IDO2: variants seen among roughly 807,000 people sequenced by gnomAD.
The protein encoded by IDO2 is indoleamine 2,3-dioxygenase-like 1 protein.
IDO2 carries 46 observed loss-of-function variants against 45.1 expected under a neutral mutation model. The observed-to-expected ratio is 1.02, with a 90% confidence interval of 0.80 to 1.30. The LOEUF is 1.30. IDO2 is among the 50% of genes most tolerant of loss of function. The pLI is 0.00. For synonymous variants in IDO2, 218 were observed against 184.9 expected (o/e 1.18, Z -1.45); for missense variants, 544 against 491.8 (o/e 1.11, Z -1.00).
chr8:39,986,954 A>G (rs1004654785), intron 6 of IDO2: 3 of 151,658 alleles, frequency 2.0e-5, no homozygotes, highest in Admixed American at 2.0e-4. Context: ...GGCTCTCTGC[A>G]ACCTCTTGCC....
intron 2 of IDO2, among the ~76,000 whole-genome samples, chr8:39,958,337 G>A (rs1362786947): frequency 6.8e-6 from 1 of 146,686 alleles, no homozygotes; most frequent in Non-Finnish European, 1.5e-5. Context: ...AGGTTCAGGC[G>A]ATTCTCCCGC....
chr8:40,005,879 G>A (rs1031766065), intron 9 of IDO2, among the ~76,000 whole-genome samples: 6 of 152,152 alleles, frequency 3.9e-5, no homozygotes. Flanking sequence ...TTCTCTGGGA[G>A]GTGATTATGT....
intron 2 of IDO2, among the ~76,000 whole-genome samples, chr8:39,951,143 G>C (rs531923797): frequency 3.0e-4 from 45 of 152,138 alleles, no homozygotes; most frequent in Non-Finnish European, 5.1e-4. Context: ...ACAAGCCTCA[G>C]GGTAGGTATT....
chr8:39,980,272 A>G (rs971749354), intron 4 of IDO2, among the ~76,000 whole-genome samples: 3 of 152,224 alleles, frequency 2.0e-5, no homozygotes, highest in African/African-American at 7.2e-5. Flanking sequence ...TTATTTCCTT[A>G]ATCAAGGTCA....
intron 3 of IDO2, among the ~76,000 whole-genome samples, chr8:39,967,437 C>T (rs932183040): frequency 1.3e-5 from 2 of 152,116 alleles, no homozygotes; most frequent in African/African-American, 4.8e-5. Flanking sequence ...AGTTTATTTA[C>T]AGAGTAAATA....
At chr8:40,010,559 G>T (rs2955890) in intron 9 of IDO2, among the ~76,000 whole-genome samples, 136,609 of 152,204 alleles carry the variant, frequency 0.9, 61,451 homozygotes, top group East Asian at 0.99. Flanking sequence ...TTTAAGAAGC[G>T]ATCATTACAA....
intron 2 of IDO2, among the ~76,000 whole-genome samples, chr8:39,958,820 TTAATC>T (rs36213925): frequency 0.19 from 28,656 of 152,116 alleles, 2,666 homozygotes; most frequent in East Asian, 0.27. Context: ...AAATTTATAC[TTAATC>T]TAATCAAGCA....
chr8:39,987,454 G>A (rs1162627023), intron 6 of IDO2: 1 of 160,168 alleles, frequency 6.2e-6, no homozygotes, highest in Non-Finnish European at 1.4e-5. Context: ...CTGGCTATAT[G>A]ACCTTGGACA....
chr8:39,967,188 G>T (rs370723330), intron 3 of IDO2, among the ~76,000 whole-genome samples: 1 of 152,138 alleles, frequency 6.6e-6, no homozygotes, highest in East Asian at 1.9e-4. Context: ...ATAAAAAAGA[G>T]AAATACAGGT....
intron 1 of IDO2, among the ~76,000 whole-genome samples, chr8:39,940,246 G>A (rs775080655): frequency 3.9e-5 from 6 of 152,186 alleles, no homozygotes; most frequent in Non-Finnish European, 7.3e-5. Flanking sequence ...AGTTCTACCG[G>A]ACACGCAGAT....
chr8:39,953,954 T>G (rs1206450150), intron 2 of IDO2, among the ~76,000 whole-genome samples: 1 of 152,242 alleles, frequency 6.6e-6, no homozygotes, highest in African/African-American at 2.4e-5. Flanking sequence ...CACTAGCTAG[T>G]TTTGAGATCG....
In IDO2 at chr8:39,972,959, C is replaced by T. The variant is rs147375179; in HGVS notation, c.196-6108C>T. 1.8e-4 allele frequency among the ~76,000 whole-genome samples: 27 copies of T among 152,262 alleles called. No individual in the cohort carries two copies. In the East Asian group the frequency reaches 5.2e-3, roughly 29 times the overall value. On this transcript the variant is annotated intron_variant, in intron 3 of 10. Transcript: ENST00000502986. ...GCTATTGCACACTTTATAGTGTGAA[C>T]ATAACTTTTACATGCACTGGGAAGC...
intron 2 of IDO2, among the ~76,000 whole-genome samples, chr8:39,962,486 C>T (rs1246788434): frequency 1.3e-5 from 2 of 152,184 alleles, no homozygotes; most frequent in African/African-American, 4.8e-5. Flanking sequence ...TTTCATGTAA[C>T]TTTCTAGGCT....
intron 3 of IDO2, among the ~76,000 whole-genome samples, chr8:39,970,040 A>G (rs1002867404): frequency 2.6e-5 from 4 of 152,248 alleles, no homozygotes; most frequent in Non-Finnish European, 5.9e-5. Flanking sequence ...TCCAGTGAAC[A>G]TACGAATGAT....
intron 5 of IDO2, among the ~76,000 whole-genome samples, chr8:39,984,600 G>A (rs1397285753): frequency 2.0e-5 from 3 of 152,184 alleles, no homozygotes; most frequent in Admixed American, 6.5e-5. Flanking sequence ...CAATTATTCT[G>A]CTTGGTAATT....
chr8:39,980,463 T>TG (rs138126676), intron 4 of IDO2, among the ~76,000 whole-genome samples: 13,087 of 152,254 alleles, frequency 0.086, 679 homozygotes, highest in Middle Eastern at 0.15. Context: ...AAATCTCTTC[T>TG]GAATCATTGC....
At chr8:39,964,391 C>T (rs1808050705) in intron 3 of IDO2, among the ~76,000 whole-genome samples, 3 of 152,218 alleles carry the variant, frequency 2.0e-5, no homozygotes, top group Admixed American at 2.0e-4. Flanking sequence ...AAGTAAATCA[C>T]TTTCAAAGTG....
chr8:39,978,448 T>C (rs1241187259), intron 3 of IDO2, among the ~76,000 whole-genome samples: 1 of 152,112 alleles, frequency 6.6e-6, no homozygotes, highest in Non-Finnish European at 1.5e-5. Flanking sequence ...CTGATACTTG[T>C]TTACCAAGTG....
chr8:39,978,399 C>T (rs754278936), intron 3 of IDO2, among the ~76,000 whole-genome samples: 1 of 152,228 alleles, frequency 6.6e-6, no homozygotes, highest in Non-Finnish European at 1.5e-5. Context: ...GAGGCCGCTG[C>T]TGTCAGGCAG....
Sources: allele counts gnomAD v4.1 joint callset (sites outside exome capture counted in the v4.1 genomes callset), GRCh38; gene constraint gnomAD v4.1.1; transcripts MANE v1.5; gene names NCBI Gene and HGNC (gene_info 2026-07-23, HGNC 2026-07-21).